The following DISC1 variants were observed in gnomAD, a reference collection of about 807,000 sequenced individuals.
DISC1 encodes disrupted in schizophrenia 1 protein.
DISC1 carries 57 observed loss-of-function variants against 84.5 expected under a neutral mutation model. That is an observed-to-expected ratio of 0.67 (90% confidence interval 0.55 to 0.84). DISC1 has a LOEUF of 0.84. DISC1 is among the 40% of genes least tolerant of loss of function. DISC1 has a pLI of 0.00. For synonymous variants in DISC1, 411 were observed against 415.2 expected (o/e 0.99, Z 0.12); for missense variants, 1,000 against 1,057.8 (o/e 0.95, Z 0.76).
chr1:231,723,993 A>C (rs747510781), intron 3 of DISC1: 2 of 985,360 alleles, frequency 2.0e-6, no homozygotes, highest in African/African-American at 1.7e-5. Flanking sequence ...CTGTATATAC[A>C]TAGAACAAAA....
At chr1:231,633,718 G>A (rs905157458) in intron 1 of DISC1, among the ~76,000 whole-genome samples, 1 of 152,236 alleles carries the variant, frequency 6.6e-6, no homozygotes, top group South Asian at 2.1e-4. Context: ...GAGTAGAAAC[G>A]TGCATTTGAC....
intron 10 of DISC1, among the ~76,000 whole-genome samples, chr1:231,972,923 C>T (rs74146525): frequency 0.047 from 7,166 of 152,216 alleles, 554 homozygotes; most frequent in African/African-American, 0.16. Context: ...CTGTGAAACC[C>T]GTAATATTGG....
intron 10 of DISC1, among the ~76,000 whole-genome samples, chr1:231,991,293 C>T (rs1421765754): frequency 1.3e-5 from 2 of 152,220 alleles, no homozygotes; most frequent in Admixed American, 1.3e-4. Flanking sequence ...GGAAGAATAA[C>T]GCATTTTACC....
At chr1:231,669,787 T>A (rs1015193223) in intron 1 of DISC1, among the ~76,000 whole-genome samples, 9 of 152,024 alleles carry the variant, frequency 5.9e-5, no homozygotes, top group Non-Finnish European at 1.3e-4. Context: ...TGTAAATTAG[T>A]TCAGCCATTG....
At chr1:231,674,541 A>C (rs2062953261) in intron 1 of DISC1, among the ~76,000 whole-genome samples, 1 of 152,250 alleles carries the variant, frequency 6.6e-6, no homozygotes, top group Non-Finnish European at 1.5e-5. Context: ...AAGTGCAGAG[A>C]AATAACTGAT....
intron 3 of DISC1, among the ~76,000 whole-genome samples, chr1:231,707,024 G>A (rs151156987): frequency 6.6e-6 from 1 of 152,318 alleles, no homozygotes; most frequent in East Asian, 1.9e-4. Flanking sequence ...ACTGAACACA[G>A]CACAACCCCA....
intron 11 of DISC1, among the ~76,000 whole-genome samples, chr1:232,016,724 C>T (rs767824374): frequency 2.0e-5 from 3 of 152,168 alleles, no homozygotes; most frequent in South Asian, 2.1e-4. Flanking sequence ...CTTGTTTCTC[C>T]GAGCCACCTT....
intron 9 of DISC1, among the ~76,000 whole-genome samples, chr1:231,845,881 G>A (rs1257555564): frequency 6.6e-6 from 1 of 152,104 alleles, no homozygotes. Flanking sequence ...GGTGAAGTGA[G>A]GTGGGATGGT....
chr1:231,986,624 GTC>G (rs1664485045), intron 10 of DISC1, among the ~76,000 whole-genome samples: 1 of 152,194 alleles, frequency 6.6e-6, no homozygotes, highest in African/African-American at 2.4e-5. Flanking sequence ...GCTACAAAAT[GTC>G]TTTCTGCTGC....
intron 1 of DISC1, among the ~76,000 whole-genome samples, chr1:231,662,975 T>G (rs1344978532): frequency 6.6e-6 from 1 of 152,072 alleles, no homozygotes; most frequent in Non-Finnish European, 1.5e-5. Context: ...AGACTCTGTC[T>G]TAAACAAAAC....
At chr1:231,891,996 A>G (rs967058018) in intron 9 of DISC1, among the ~76,000 whole-genome samples, 1 of 152,128 alleles carries the variant, frequency 6.6e-6, no homozygotes, top group East Asian at 1.9e-4. Flanking sequence ...CCCATTGCCA[A>G]GAATATTTCT....
rs1341956556 is a variant in DISC1, at chr1:231,626,806, T to A, written c.-62T>A. On this transcript the variant is annotated 5_prime_UTR_variant, in exon 1 of 13. Coordinates refer to ENST00000439617, the MANE Select transcript of DISC1 (RefSeq NM_018662.3). ...CGCGCTGCTCCCTTCCCCCCGCCTC[T>A]GGCCTCGGGGAAGGAGCAGGAGGCA... 1 of 1,249,386 alleles carries A rather than the reference T, an allele frequency of 8.0e-7. No homozygotes were observed. The highest frequency in any genetic ancestry group is 1.0e-6 in the Non-Finnish European group (1 of 958,434). The allele number at this position is 1,249,386 out of a possible 1,614,324, so 77.4% of individuals were successfully genotyped here.
At chr1:231,747,943 C>A (rs2074192963) in intron 3 of DISC1, among the ~76,000 whole-genome samples, 1 of 151,952 alleles carries the variant, frequency 6.6e-6, no homozygotes, top group Non-Finnish European at 1.5e-5. Flanking sequence ...TTGCAGAGAT[C>A]TTTCACTTTC....
intron 9 of DISC1, among the ~76,000 whole-genome samples, chr1:231,875,389 CA>C (rs1257556132): frequency 6.6e-6 from 1 of 152,158 alleles, no homozygotes; most frequent in Admixed American, 6.5e-5. Context: ...GTTAGACAGC[CA>C]GGGGCTCCTC....
chr1:231,767,268 A>G lies in DISC1; in HGVS notation c.1397A>G (p.Gln466Arg). The G allele has an allele frequency of 6.2e-7, 1 of 1,614,172 alleles. No individual in the cohort carries two copies. The highest frequency in any genetic ancestry group is 8.5e-7 in the Non-Finnish European group (1 of 1,180,020). ...CTTCTTCAGGAAAAGCAGCAGCTAC[A>G]GGTGAGCAGGTGAAAGATCTTCAAG... Reference protein sequence around the residue: ...DWLLQEKQQLQKEIEALQARM... With the variant: ...DWLLQEKQQLRKEIEALQARM... The change falls in exon 5 of 13, where the codon CAG (glutamine) becomes CGG (arginine). Residue 466 changes from glutamine (Q) to arginine (R), a missense_variant and splice_region_variant. By Grantham distance (43) the Gln-to-Arg change is conservative. This residue lies in a region of DISC1 where 311 missense variants were observed against 400.1 expected (regional missense o/e 0.78). Transcript: ENST00000439617.
intron 10 of DISC1, among the ~76,000 whole-genome samples, chr1:231,966,367 T>C (rs199907992): frequency 8.5e-5 from 13 of 152,260 alleles, no homozygotes; most frequent in Non-Finnish European, 1.6e-4. Flanking sequence ...TTTTCTCTTA[T>C]GGCCAAACCT....
chr1:231,777,874 G>A (rs537373690), intron 6 of DISC1, among the ~76,000 whole-genome samples: 43 of 152,344 alleles, frequency 2.8e-4, no homozygotes, highest in African/African-American at 9.4e-4. Flanking sequence ...AGATGAGGCT[G>A]CTGAGGGTCC....
At chr1:232,034,842 GT>G (rs1670365918) in intron 12 of DISC1, among the ~76,000 whole-genome samples, 3 of 151,366 alleles carry the variant, frequency 2.0e-5, no homozygotes, top group Admixed American at 2.0e-4. Context: ...AGTGGTATAT[GT>G]TTTCAATAAA....
At chr1:231,813,610 G>A (rs748913477) in intron 8 of DISC1, among the ~76,000 whole-genome samples, 6 of 152,226 alleles carry the variant, frequency 3.9e-5, no homozygotes, top group Non-Finnish European at 8.8e-5. Context: ...TGGAAGTGCA[G>A]TCTGCTCTCC....
Sources: allele counts gnomAD v4.1 joint callset (sites outside exome capture counted in the v4.1 genomes callset), GRCh38; gene constraint gnomAD v4.1.1; regional missense constraint gnomAD v4.1.1; transcripts MANE v1.5; gene names NCBI Gene and HGNC (gene_info 2026-07-23, HGNC 2026-07-21).